The following CDKN1B variants were observed in gnomAD, a reference collection of about 807,000 sequenced individuals.
CDKN1B encodes the protein cyclin dependent kinase inhibitor 1B.
CDKN1B carries 7 observed loss-of-function variants against 17.1 expected under a neutral mutation model. That is an observed-to-expected ratio of 0.41 (90% CI 0.23 to 0.77). The LOEUF (loss-of-function observed/expected upper bound fraction) is 0.77. Ranked by LOEUF, CDKN1B falls within the 30% of genes least tolerant of loss-of-function variation. The probability of loss-of-function intolerance (pLI) is 0.33; values close to 1 mark genes in which losing one functional copy is unlikely to be tolerated. For synonymous variants in CDKN1B, 149 were observed against 104.3 expected, an observed-to-expected ratio of 1.43 and a Z score of -2.61; for missense variants, 337 against 262.0, an observed-to-expected ratio of 1.29 and a Z score of -1.98.
chr12:12,720,336 T>C (rs1946529687), intron 2 of CDKN1B, among the ~76,000 whole-genome samples: 1 of 152,154 alleles, frequency 6.6e-6, no homozygotes, highest in South Asian at 2.1e-4. Flanking sequence ...ATACTAGAAA[T>C]ATTAGTAAGA....
chr12:12,717,692 C>A lies in CDKN1B; in HGVS notation c.-148C>A. ...CCCTGCGCGCTCCTAGAGCTCGGGC[C>A]GTGGCTCGTCGGGGTCTGTGTCTTT... On this transcript the variant is annotated 5_prime_UTR_variant, in exon 1 of 3. Coordinates refer to ENST00000228872, the MANE Select transcript of CDKN1B (RefSeq NM_004064.5). The A allele has an allele frequency of 6.5e-7, 1 of 1,535,490 alleles. No homozygotes were observed. Among genetic ancestry groups the A allele is most frequent in the Non-Finnish European group, 8.7e-7 (1 of 1,149,062 alleles).
chr12:12,719,050 G>A (rs1012049594), intron 2 of CDKN1B, 96 bp downstream of exon 2: 1 of 1,526,778 alleles, frequency 6.5e-7, no homozygotes, highest in African/African-American at 1.4e-5. Flanking sequence ...AAAAGCTTAT[G>A]GGGTTTTGTT....
In CDKN1B at chr12:12,718,852, A is replaced by T. The variant is rs761736796; in HGVS notation, c.503A>T (p.Asn168Ile). Residue 168 changes from asparagine (N) to isoleucine (I), a missense_variant, in exon 2 of 3, where the codon AAC becomes ATC. Coordinates refer to ENST00000228872, the MANE Select transcript of CDKN1B (RefSeq NM_004064.5). ...DDSSTQNKRA[N>I]RTEENVSDGS... ...TCTTCTACTCAAAACAAAAGAGCCA[A>T]CAGAACAGAAGAAAATGTTTCAGAC... The T allele has an allele frequency of 1.9e-6, 3 of 1,614,162 alleles. No homozygotes were observed. Among genetic ancestry groups the T allele is most frequent in the Non-Finnish European group, 2.5e-6 (3 of 1,180,028 alleles).
Position 12,717,996 on chromosome 12 carries a change from G to A in CDKN1B, c.157G>A (p.Glu53Lys). ...RDLEKHCRDMEEASQRKWNFD... is the reference protein window; with the variant it reads ...RDLEKHCRDMKEASQRKWNFD... ...CTTGGAGAAGCACTGCAGAGACATG[G>A]AAGAGGCGAGCCAGCGCAAGTGGAA... is the stretch of plus-strand genomic sequence containing the variant. The change falls in exon 1 of 3, where the codon GAA (glutamate) becomes AAA (lysine). Residue 53 changes from glutamate (E) to lysine (K), a missense_variant. Glu to Lys is a moderately conservative substitution (Grantham distance 56). Coordinates refer to ENST00000228872, the MANE Select transcript of CDKN1B (RefSeq NM_004064.5). 1 of 1,614,248 alleles carries A rather than the reference G, an allele frequency of 6.2e-7. No individual in the cohort carries two copies. The highest frequency in any genetic ancestry group is 8.5e-7 in the Non-Finnish European group (1 of 1,180,048).
chr12:12,718,889 T>G lies in CDKN1B; in HGVS notation c.540T>G (p.Asn180Lys). 1 of 1,614,148 alleles carries G rather than the reference T, an allele frequency of 6.2e-7. No individual in the cohort carries two copies. Among genetic ancestry groups the G allele is most frequent in the Non-Finnish European group, 8.5e-7 (1 of 1,180,030 alleles). The change falls in exon 2 of 3, where the codon AAT (asparagine) becomes AAG (lysine). Residue 180 changes from asparagine to lysine, a missense_variant. By Grantham distance (94) the Asn-to-Lys change is moderately conservative. Transcript: ENST00000228872. ...TEENVSDGSPNAGSVEQTPKK... is the reference protein window; with the variant it reads ...TEENVSDGSPKAGSVEQTPKK... ...AAAATGTTTCAGACGGTTCCCCAAA[T>G]GCCGGTTCTGTGGAGCAGACGCCCA...
rs746849706 is a variant in CDKN1B, at chr12:12,718,046, C to T, written c.207C>T (p.Pro69=). The T allele has an allele frequency of 3.7e-6, 6 of 1,614,096 alleles. No homozygotes were observed. The highest frequency in any genetic ancestry group is 5.1e-6 in the Non-Finnish European group (6 of 1,180,040). Residue 69 remains proline, a synonymous_variant, in exon 1 of 3, where the codon CCC becomes CCT. Coordinates refer to ENST00000228872, the MANE Select transcript of CDKN1B (RefSeq NM_004064.5). ...KWNFDFQNHK[P]LEGKYEWQEV... ...ATTTCGATTTTCAGAATCACAAACC[C>T]CTAGAGGGCAAGTACGAGTGGCAAG...
At position 12,717,773 on chromosome 12, in the gene CDKN1B, CTTTGTTTTGTTCGGT is replaced by C; in HGVS notation, c.-58_-44del. 1 of 1,605,652 alleles carries C rather than the reference CTTTGTTTTGTTCGGT, an allele frequency of 6.2e-7. No individual in the cohort carries two copies. Among genetic ancestry groups the C allele is most frequent in the Non-Finnish European group, 8.5e-7 (1 of 1,179,752 alleles). ...GAGGGGTTCGGGCTGCGTAGGGGCG[CTTTGTTTTGTTCGGT>C]TTTGTTTTTTTGAGAGTGCGAGAGA... On this transcript the variant is annotated 5_prime_UTR_variant, in exon 1 of 3. Transcript: ENST00000228872.
chr12:12,719,138 C>G (rs922832725), intron 2 of CDKN1B, 184 bp downstream of exon 2: 1 of 675,460 alleles, frequency 1.5e-6, no homozygotes, highest in African/African-American at 1.8e-5. Context: ...GTTTCTATGC[C>G]CAGAGATACT....
In CDKN1B at chr12:12,721,451, GTTTTC is replaced by G. The variant is rs1167200920; in HGVS notation, c.*428_*432del. 1.2e-5 allele frequency: 4 copies of G among 339,030 alleles called. No individual in the cohort carries two copies. Among genetic ancestry groups the G allele is most frequent in the Non-Finnish European group, 1.1e-5 (2 of 188,440 alleles). 21.0% of individuals were successfully genotyped at this position (339,030 alleles called of 1,614,324 possible). Reference sequence around the variant, plus strand: ...GCAATTTTGGGGAAGGGTTTGAATTGTTTTCTTTAAAGATGTAATGTCCCTTTCAG... The same window carrying G: ...GCAATTTTGGGGAAGGGTTTGAATTGTTTAAAGATGTAATGTCCCTTTCAG... On this transcript the variant is annotated 3_prime_UTR_variant, in exon 3 of 3. Coordinates refer to ENST00000228872, the MANE Select transcript of CDKN1B (RefSeq NM_004064.5).
intron 1 of CDKN1B, 82 bp from the exon 2 acceptor site, chr12:12,718,743 G>T: frequency 1.3e-6 from 2 of 1,556,316 alleles, no homozygotes; most frequent in South Asian, 1.1e-5. Flanking sequence ...TTCATCCCCT[G>T]ACTATGGGGC....
rs1206093681 is a variant in CDKN1B at position 12,719,144 on chromosome 12, A to T, written c.*8+190A>T. ...TTCCTCAGAGTTTCTATGCCCAGAG[A>T]TACTTTCTCTTCAAACTGTTGACCA... On this transcript the variant is annotated intron_variant, in intron 2 of 2. Coordinates refer to ENST00000228872, the MANE Select transcript of CDKN1B (RefSeq NM_004064.5). 18 of 659,938 alleles carry T rather than the reference A, an allele frequency of 2.7e-5. No individual in the cohort carries two copies. In the East Asian group the frequency reaches 5.2e-4, roughly 19 times the overall value. The allele number at this position is 659,938 out of a possible 1,614,324, so 40.9% of individuals were successfully genotyped here.
At chr12:12,718,772 G>GT in intron 1 of CDKN1B, 53 bp from the exon 2 acceptor site, 8 of 1,610,198 alleles carry the variant, frequency 5.0e-6, no homozygotes, top group South Asian at 1.1e-5. Flanking sequence ...GCCAGCCATT[G>GT]TTTTTTCTAA....
intron 2 of CDKN1B, chr12:12,719,196 A>G (rs1479947067): frequency 4.0e-6 from 2 of 500,738 alleles, no homozygotes; most frequent in African/African-American, 3.9e-5. Context: ...CCCAGGCCCC[A>G]TCGGGTAGGA....
Position 12,718,966 on chromosome 12 carries a change from A to T in CDKN1B, c.*8+12A>T. On this transcript the variant is annotated intron_variant, in intron 2 of 2. Transcript: ENST00000228872. ...ACGTAAACAGCTCGGTGGGTTGATC[A>T]CTAAAGGAGCACGCACTGGAACCCG... 1 of 1,613,524 alleles carries T rather than the reference A, an allele frequency of 6.2e-7. No individual in the cohort carries two copies. The highest frequency in any genetic ancestry group is 1.1e-5 in the South Asian group (1 of 91,064).
intron 2 of CDKN1B, among the ~76,000 whole-genome samples, chr12:12,720,380 A>G (rs917726057): frequency 6.6e-6 from 1 of 152,246 alleles, no homozygotes; most frequent in South Asian, 2.1e-4. Context: ...TATTTTCTGC[A>G]TATGAATCAG....
chr12:12,718,291 T>A lies in CDKN1B; in HGVS notation c.452T>A (p.Ile151Lys), dbSNP rs760454287. The A allele has an allele frequency of 7.5e-6, 12 of 1,604,414 alleles. No homozygotes were observed. Among genetic ancestry groups the A allele is most frequent in the Non-Finnish European group, 9.3e-6 (11 of 1,179,864 alleles). ...GGGTTAGCGGAGCAATGCGCAGGAA[T>A]AAGGAAGCGACCTGCAACCGACGGT... ...QTGLAEQCAG[I>K]RKRPATDDSS... is the part of the protein sequence containing the mutation. Residue 151 changes from isoleucine to lysine, a missense_variant, in exon 1 of 3, where the codon ATA (isoleucine) becomes AAA (lysine). Coordinates refer to ENST00000228872, the MANE Select transcript of CDKN1B (RefSeq NM_004064.5).
rs748443738 is a variant in CDKN1B at position 12,718,140 on chromosome 12, G to A, written c.301G>A (p.Val101Met). 6.2e-7 allele frequency: 1 copy of A among 1,614,110 alleles called. No homozygotes were observed. Among genetic ancestry groups the A allele is most frequent in the East Asian group, 2.2e-5 (1 of 44,884 alleles). ...GCGGCCCCCCAAAGGTGCCTGCAAG[G>A]TGCCGGCGCAGGAGAGCCAGGATGT... ...PPRPPKGACK[V>M]PAQESQDVSG... The change falls in exon 1 of 3, where the codon GTG becomes ATG. Residue 101 changes from valine to methionine, a missense_variant. Physicochemically the swap from Val to Met is conservative, Grantham distance 21 (BLOSUM62 1). Coordinates refer to ENST00000228872, the MANE Select transcript of CDKN1B (RefSeq NM_004064.5).
intron 2 of CDKN1B, 96 bp from the exon 3 acceptor site, chr12:12,720,940 C>G (rs1012215386): frequency 1.8e-6 from 1 of 551,934 alleles, no homozygotes; most frequent in Non-Finnish European, 3.2e-6. Flanking sequence ...TCAAGTATTT[C>G]CAAGCTAACA....
chr12:12,717,677 T>A lies in CDKN1B; in HGVS notation c.-163T>A. On this transcript the variant is annotated 5_prime_UTR_variant, in exon 1 of 3. Transcript: ENST00000228872. Reference sequence around the variant, plus strand: ...GGGCTTCCCCGCAGCCCCTGCGCGCTCCTAGAGCTCGGGCCGTGGCTCGTC... The same window carrying A: ...GGGCTTCCCCGCAGCCCCTGCGCGCACCTAGAGCTCGGGCCGTGGCTCGTC... 6.6e-7 allele frequency: 1 copy of A among 1,521,276 alleles called. No homozygotes were observed. Among genetic ancestry groups the A allele is most frequent in the Non-Finnish European group, 8.8e-7 (1 of 1,141,734 alleles). 94.2% of individuals were successfully genotyped at this position (1,521,276 alleles called of 1,614,324 possible).
Sources: gnomAD v4.1 joint callset for allele counts (sites outside exome capture counted in the v4.1 genomes callset) on GRCh38, gnomAD v4.1.1 for gene constraint, MANE v1.5 for transcripts, NCBI Gene and HGNC (gene_info 2026-07-23, HGNC 2026-07-21) for gene names.